Variants in RPL26L1 observed in about 807,000 individuals in gnomAD.
RPL26L1 encodes ribosomal protein uL24-like.
RPL26L1 carries 8 observed loss-of-function variants against 15.2 expected under a neutral mutation model. That is an observed-to-expected ratio of 0.53 (90% confidence interval 0.31 to 0.95). The LOEUF (loss-of-function observed/expected upper bound fraction) is 0.95, where lower values mean the gene tolerates loss of function less well. RPL26L1 is among the 40% of genes least tolerant of loss of function. The pLI, the probability that RPL26L1 is intolerant of heterozygous loss-of-function variation, is 0.05. For missense variants in RPL26L1, 146 were observed against 190.9 expected (o/e 0.76, Z 1.39); for synonymous variants, 51 against 65.9 (o/e 0.77, Z 1.09).
At chr5:172,954,579 AAGAG>A (rs982838605), upstream of RPL26L1, among the ~76,000 whole-genome samples, 1 of 151,896 alleles carries the variant, frequency 6.6e-6, no homozygotes, top group Non-Finnish European at 1.5e-5. Flanking sequence ...TGTCTCAAAA[AAGAG>A]AGAAAGAGAG....
chr5:172,963,283 G>A (rs1201506334), intron 2 of RPL26L1, among the ~76,000 whole-genome samples: 6 of 151,730 alleles, frequency 4.0e-5, no homozygotes, highest in African/African-American at 1.5e-4. Context: ...CTGAGGCAGG[G>A]GAATCGCTTT....
upstream of RPL26L1, chr5:172,957,458 C>G (rs1214322707): frequency 2.9e-6 from 1 of 350,722 alleles, no homozygotes; most frequent in East Asian, 7.6e-5. Flanking sequence ...CTTGGGAGCA[C>G]TCCTCCCCAG....
At chr5:172,960,076 AC>A in intron 2 of RPL26L1, 35 bp downstream of exon 2, 1 of 1,612,604 alleles carries the variant, frequency 6.2e-7, no homozygotes, top group East Asian at 2.2e-5. Flanking sequence ...GCGCTCGGAC[AC>A]CGTTGCCTAA....
At chr5:172,956,244 C>T (rs1184822629), upstream of RPL26L1, among the ~76,000 whole-genome samples, 1 of 152,126 alleles carries the variant, frequency 6.6e-6, no homozygotes, top group Non-Finnish European at 1.5e-5. Context: ...TTTAGTGATG[C>T]CTTTTGATAA....
upstream of RPL26L1, chr5:172,955,137 T>G (rs987394573): frequency 3.6e-5 from 13 of 362,434 alleles, no homozygotes; most frequent in African/African-American, 9.0e-5. Context: ...TAGTTTTTTT[T>G]TTTTTTTTTT....
At chr5:172,959,511 CCCCGTGAGA>C (rs1447897183) in intron 1 of RPL26L1, 43 bp downstream of exon 1, 6 of 1,076,602 alleles carry the variant, frequency 5.6e-6, no homozygotes, top group Non-Finnish European at 6.8e-6. Context: ...AACTCTACCG[CCCCGTGAGA>C]CCCTGCCCTA....
intron 2 of RPL26L1, among the ~76,000 whole-genome samples, chr5:172,960,603 G>A (rs963377470): frequency 4.8e-4 from 13 of 27,030 alleles, no homozygotes; most frequent in African/African-American, 6.2e-4. Flanking sequence ...GGATTTGGCA[G>A]GAGAACTGGT....
chr5:172,967,113 C>G (rs1009052226), intron 2 of RPL26L1, among the ~76,000 whole-genome samples: 1 of 151,644 alleles, frequency 6.6e-6, no homozygotes, highest in African/African-American at 2.4e-5. Flanking sequence ...TTTGGCCTCC[C>G]AAAGTGCTGG....
intron 2 of RPL26L1, among the ~76,000 whole-genome samples, chr5:172,963,452 TCTC>T (rs964294690): frequency 6.6e-6 from 1 of 151,844 alleles, no homozygotes; most frequent in African/African-American, 2.4e-5. Flanking sequence ...TCCATCCTCA[TCTC>T]CTCCTAACCC....
intron 2 of RPL26L1, among the ~76,000 whole-genome samples, chr5:172,966,110 C>A (rs1228878454): frequency 2.0e-5 from 3 of 151,738 alleles, no homozygotes; most frequent in Admixed American, 6.6e-5. Context: ...AGAGGTTGTC[C>A]ACTTCTCTTT....
At position 172,962,457 on chromosome 5, in the gene RPL26L1, G is replaced by A. The variant is rs144266449; in HGVS notation, c.168+2416G>A. 9.5e-3 allele frequency among the ~76,000 whole-genome samples: 1,436 copies of A among 151,180 alleles called. 30 individuals are homozygous for A. The highest frequency in any genetic ancestry group is 0.033 in the African/African-American group (1,350 of 41,162). On this transcript the variant is annotated intron_variant, in intron 2 of 3. Transcript: ENST00000265100. ...CGGGAGGCGGAGGTTGCAATGAACC[G>A]AGATTGTGCCATTGCACTCCAGCCT...
chr5:172,960,671 T>C (rs987601747), intron 2 of RPL26L1, among the ~76,000 whole-genome samples: 1 of 152,078 alleles, frequency 6.6e-6, no homozygotes, highest in Admixed American at 6.6e-5. Context: ...TGTGAGAACG[T>C]ACAAGCCCTC....
intron 2 of RPL26L1, among the ~76,000 whole-genome samples, chr5:172,962,815 C>CA (rs56210758): frequency 0.063 from 3,802 of 59,924 alleles, 193 homozygotes; most frequent in African/African-American, 0.12. Flanking sequence ...GGCTCTGTCT[C>CA]AAAAAAAAAA....
At chr5:172,955,498 C>T (rs1754942686), upstream of RPL26L1, 1 of 156,090 alleles carries the variant, frequency 6.4e-6, no homozygotes, top group South Asian at 1.9e-4. Flanking sequence ...TGTGGGAGGC[C>T]ACTGGAGGTC....
At chr5:172,960,834 C>T (rs1755206818) in intron 2 of RPL26L1, among the ~76,000 whole-genome samples, 1 of 145,802 alleles carries the variant, frequency 6.9e-6, no homozygotes, top group Non-Finnish European at 1.5e-5. Context: ...GGCCCTTGTT[C>T]TCATGGAGAT....
In RPL26L1 at chr5:172,959,476, G is replaced by A. The variant is rs180985271; in HGVS notation, c.-10+8G>A. The A allele has an allele frequency of 7.2e-5, 73 of 1,020,532 alleles. No homozygotes were observed. In the African/African-American group the frequency reaches 1.2e-3, roughly 17 times the overall value. The allele number at this position is 1,020,532 out of a possible 1,614,324, so 63.2% of individuals were successfully genotyped here. A position where few individuals can be genotyped will look rare whatever the true frequency, so the allele number is the denominator to read the frequency against. ...GAGGCAGCTAGTAGCCGGGTGAGTG[G>A]AGGCTGGAGTTTTCTCGGACAGTGA... On this transcript the variant is annotated splice_region_variant and intron_variant, in intron 1 of 3. Coordinates refer to ENST00000265100, the MANE Select transcript of RPL26L1 (RefSeq NM_016093.4).
upstream of RPL26L1, chr5:172,957,110 C>T: frequency 2.2e-6 from 1 of 448,532 alleles, no homozygotes; most frequent in Non-Finnish European, 4.5e-6. Context: ...AGGGCTCAAG[C>T]ACTTCCCCAT....
At chr5:172,957,655 C>T (rs1486145885), upstream of RPL26L1, 8 of 229,322 alleles carry the variant, frequency 3.5e-5, no homozygotes, top group South Asian at 3.0e-4. Flanking sequence ...GAATGAACTC[C>T]TTGGGGCAGG....
intron 2 of RPL26L1, among the ~76,000 whole-genome samples, chr5:172,965,645 G>A (rs1755423410): frequency 6.6e-6 from 1 of 152,086 alleles, no homozygotes; most frequent in Non-Finnish European, 1.5e-5. Context: ...ACATTCTCTT[G>A]GCTGCTGTAA....
Sources: gnomAD v4.1 joint callset for allele counts (sites outside exome capture counted in the v4.1 genomes callset) on GRCh38, gnomAD v4.1.1 for gene constraint, MANE v1.5 for transcripts, NCBI Gene and HGNC (gene_info 2026-07-23, HGNC 2026-07-21) for gene names.